MROH9: variants seen among roughly 807,000 people sequenced by gnomAD.
MROH9 encodes the protein maestro heat-like repeat-containing protein family member 9.
In MROH9, 92 loss-of-function variants were observed where a neutral mutation model predicts 98.2. The ratio of observed to expected loss-of-function variants is 0.94; its 90% CI spans 0.79 to 1.11. The LOEUF is 1.11. Ranked by LOEUF, MROH9 falls within the 50% of genes most tolerant of loss-of-function variation. The probability of loss-of-function intolerance (pLI) is 0.00; values close to 1 mark genes in which losing one functional copy is unlikely to be tolerated. For missense variants in MROH9, 1,057 were observed against 1,014.8 expected (o/e 1.04, Z -0.57); for synonymous variants, 397 against 368.9 (o/e 1.08, Z -0.87).
At chr1:171,059,403 G>A (rs1653946708) in intron 20 of MROH9, among the ~76,000 whole-genome samples, 1 of 152,182 alleles carries the variant, frequency 6.6e-6, no homozygotes, top group African/African-American at 2.4e-5. Context: ...ATGCTGGCGA[G>A]GCTGTGGAGA....
chr1:170,971,806 C>T lies in MROH9; in HGVS notation c.539C>T (p.Ser180Phe), dbSNP rs749581793. ...GCAGCAGAGCTGTCTCTTTTGTGTTCCCATGAAGATCCCTCGATTGTAAAA... is the reference window on the plus strand; with the variant it reads ...GCAGCAGAGCTGTCTCTTTTGTGTTTCCATGAAGATCCCTCGATTGTAAAA... Reference protein sequence around the residue: ...LLAAELSLLCSHEDPSIVKQA... With the variant: ...LLAAELSLLCFHEDPSIVKQA... Residue 180 changes from serine (S) to phenylalanine (F), a missense_variant, in exon 8 of 22, where the codon TCC becomes TTC. Coordinates refer to ENST00000367759, the MANE Select transcript of MROH9 (RefSeq NM_001163629.2). The T allele has an allele frequency of 7.6e-5, 122 of 1,613,896 alleles. No homozygotes were observed. Among genetic ancestry groups the T allele is most frequent in the Non-Finnish European group, 9.7e-5 (115 of 1,179,936 alleles).
At chr1:171,054,190 A>G (rs1653756633) in intron 20 of MROH9, among the ~76,000 whole-genome samples, 1 of 152,220 alleles carries the variant, frequency 6.6e-6, no homozygotes, top group South Asian at 2.1e-4. Context: ...CTTAATTTTT[A>G]GACCAATGAA....
At chr1:170,989,586 A>G (rs1258375882) in intron 10 of MROH9, among the ~76,000 whole-genome samples, 3 of 152,230 alleles carry the variant, frequency 2.0e-5, no homozygotes, top group Non-Finnish European at 4.4e-5. Context: ...TTTCTTATGT[A>G]ATGAATTCAA....
chr1:171,059,730 G>A (rs771585963), intron 20 of MROH9, among the ~76,000 whole-genome samples: 25 of 152,064 alleles, frequency 1.6e-4, no homozygotes, highest in Non-Finnish European at 3.2e-4. Flanking sequence ...TCCTTTGCAG[G>A]GACATGGACG....
At position 170,986,781 on chromosome 1, in the gene MROH9, T is replaced by C. The variant is rs1054704719; in HGVS notation, c.879+71T>C. ...AATGTGCATTTTTGCCTGTGTTGTA[T>C]GTCCACTTCTTTTTATATGTATTTC... is the stretch of plus-strand genomic sequence containing the variant. On this transcript the variant is annotated intron_variant, in intron 10 of 21. Coordinates refer to ENST00000367759, the MANE Select transcript of MROH9 (RefSeq NM_001163629.2). 13 of 1,440,726 alleles carry C rather than the reference T, an allele frequency of 9.0e-6. No individual in the cohort carries two copies. The African/African-American group carries it at 1.6e-4, about 17-fold the overall frequency. The allele number at this position is 1,440,726 out of a possible 1,614,324, so 89.2% of individuals were successfully genotyped here.
chr1:170,961,167 CAGTT>C (rs1464576208), intron 5 of MROH9, among the ~76,000 whole-genome samples: 3 of 152,070 alleles, frequency 2.0e-5, no homozygotes, highest in African/African-American at 4.8e-5. Flanking sequence ...CTTAAAGCAA[CAGTT>C]AGAATAAAAT....
At chr1:171,059,412 G>A (rs7888810) in intron 20 of MROH9, among the ~76,000 whole-genome samples, 13,517 of 152,270 alleles carry the variant, frequency 0.089, 813 homozygotes, top group Non-Finnish European at 0.13. Flanking sequence ...AGGCTGTGGA[G>A]AAATAGGAAT....
intron 17 of MROH9, among the ~76,000 whole-genome samples, chr1:171,017,399 G>A (rs1302486025): frequency 6.6e-6 from 1 of 152,202 alleles, no homozygotes; most frequent in African/African-American, 2.4e-5. Context: ...ATGCTACCCA[G>A]CCTGGGAAAA....
intron 20 of MROH9, among the ~76,000 whole-genome samples, chr1:171,060,291 C>T (rs1315903173): frequency 6.6e-6 from 1 of 152,102 alleles, no homozygotes; most frequent in East Asian, 1.9e-4. Context: ...TAAAAGAGTT[C>T]CATACAGGGA....
chr1:170,971,933 C>T (rs376036948), intron 8 of MROH9, 50 bp downstream of exon 8: 15 of 1,588,318 alleles, frequency 9.4e-6, no homozygotes, highest in African/African-American at 9.4e-5. Flanking sequence ...ATATGTCCCT[C>T]GTTATTCAAC....
At chr1:171,042,029 A>G (rs1029424710) in intron 20 of MROH9, among the ~76,000 whole-genome samples, 2 of 152,046 alleles carry the variant, frequency 1.3e-5, no homozygotes, top group Non-Finnish European at 2.9e-5. Context: ...TGCAATTGTT[A>G]TTATTGGCTA....
intron 20 of MROH9, among the ~76,000 whole-genome samples, chr1:171,043,252 G>A (rs1653363752): frequency 6.6e-6 from 1 of 151,652 alleles, no homozygotes; most frequent in Non-Finnish European, 1.5e-5. Context: ...CTGCTTTTAT[G>A]TTCTTGTCAT....
At chr1:171,035,185 A>T (rs1028422992) in intron 20 of MROH9, among the ~76,000 whole-genome samples, 3 of 152,106 alleles carry the variant, frequency 2.0e-5, no homozygotes, top group African/African-American at 7.2e-5. Flanking sequence ...ATATTTGCAC[A>T]TGTGCAACTA....
chr1:170,995,662 C>T (rs1651540682), intron 13 of MROH9, 131 bp downstream of exon 13: 5 of 1,075,242 alleles, frequency 4.7e-6, no homozygotes, highest in East Asian at 2.6e-5. Flanking sequence ...ACAGTTTTCT[C>T]TCCTCTGAAT....
intron 16 of MROH9, 145 bp downstream of exon 16, chr1:171,014,399 C>A: frequency 1.4e-6 from 1 of 707,602 alleles, no homozygotes; most frequent in Non-Finnish European, 2.2e-6. Context: ...GTTTTATTAA[C>A]AAGGAAACTG....
At chr1:170,962,025 C>T (rs1650034839) in intron 6 of MROH9, 49 bp downstream of exon 6, 3 of 976,930 alleles carry the variant, frequency 3.1e-6, no homozygotes, top group African/African-American at 1.7e-5. Flanking sequence ...GTCTAGTATG[C>T]TCACTATGCT....
chr1:171,042,889 C>CT, intron 20 of MROH9, among the ~76,000 whole-genome samples: 1 of 152,164 alleles, frequency 6.6e-6, no homozygotes, highest in East Asian at 1.9e-4. Flanking sequence ...GGTTATTAAC[C>CT]TCTTGTCAGA....
chr1:170,975,177 T>G (rs1439601330), intron 8 of MROH9, among the ~76,000 whole-genome samples: 7 of 151,990 alleles, frequency 4.6e-5, no homozygotes, highest in Non-Finnish European at 1.0e-4. Flanking sequence ...AGGCAGATTG[T>G]CAGACTGAAT....
intron 8 of MROH9, among the ~76,000 whole-genome samples, chr1:170,980,877 A>G (rs1316783377): frequency 6.6e-6 from 1 of 152,224 alleles, no homozygotes; most frequent in Non-Finnish European, 1.5e-5. Context: ...CCATGTGACA[A>G]AGGTCTAATA....
Sources: gnomAD v4.1 joint callset for allele counts (sites outside exome capture counted in the v4.1 genomes callset) on GRCh38, gnomAD v4.1.1 for gene constraint, MANE v1.5 for transcripts, NCBI Gene and HGNC (gene_info 2026-07-23, HGNC 2026-07-21) for gene names.